The following GPNMB variants were observed in gnomAD, a reference collection of about 807,000 sequenced individuals.
GPNMB encodes transmembrane glycoprotein NMB.
A neutral mutation model predicts 57.3 loss-of-function variants in GPNMB; 71 were observed. The observed-to-expected ratio is 1.24, with a 90% confidence interval of 1.02 to 1.51. The LOEUF is 1.51. Ranked by LOEUF, GPNMB falls within the 40% of genes most tolerant of loss-of-function variation. GPNMB has a pLI of 0.00. For missense variants in GPNMB, 677 were observed against 691.9 expected, an observed-to-expected ratio of 0.98 and a Z score of 0.24; for synonymous variants, 253 against 263.2, an observed-to-expected ratio of 0.96 and a Z score of 0.38.
chr7:23,252,077 C>T (rs1270037611), intron 1 of GPNMB, among the ~76,000 whole-genome samples: 1 of 151,980 alleles, frequency 6.6e-6, no homozygotes, highest in Non-Finnish European at 1.5e-5. Flanking sequence ...CCTAGAGCAA[C>T]CACTCAGAAC....
At chr7:23,259,609 T>TTTAACTC (rs1347098660) in intron 4 of GPNMB, among the ~76,000 whole-genome samples, 1 of 152,226 alleles carries the variant, frequency 6.6e-6, no homozygotes, top group East Asian at 1.9e-4. Flanking sequence ...AAATAATTTT[T>TTTAACTC]TTAACTCTTC....
rs1454921815 is a variant in GPNMB, at chr7:23,260,616, T to C, written c.861T>C (p.Asp287=). Residue 287 remains aspartate (D), a synonymous_variant, in exon 6 of 11, where the codon GAT becomes GAC. Transcript: ENST00000258733. ...STINYKWSFG[D]NTGLFVSTNH... ...TTAACTACAAGTGGAGCTTCGGGGA[T>C]AATACTGGCCTGTTTGTTTCCACCA... is the stretch of plus-strand genomic sequence containing the variant. 1.2e-6 allele frequency: 2 copies of C among 1,614,154 alleles called. No individual in the cohort carries two copies. The highest frequency in any genetic ancestry group is 1.7e-6 in the Non-Finnish European group (2 of 1,180,002).
chr7:23,255,591 T>C (rs887017264), intron 3 of GPNMB, among the ~76,000 whole-genome samples: 4 of 152,216 alleles, frequency 2.6e-5, no homozygotes, highest in African/African-American at 9.6e-5. Context: ...CTGGCTCATA[T>C]GGTAGCTCTA....
chr7:23,269,510 G>A (rs968134426), intron 8 of GPNMB, among the ~76,000 whole-genome samples: 2 of 152,204 alleles, frequency 1.3e-5, no homozygotes, highest in Admixed American at 6.5e-5. Flanking sequence ...TTCAGTGCCC[G>A]GCACATAATA....
At chr7:23,259,936 T>C in intron 4 of GPNMB, 44 bp from the exon 5 acceptor site, 2 of 1,582,990 alleles carry the variant, frequency 1.3e-6, no homozygotes, top group Non-Finnish European at 1.7e-6. Flanking sequence ...CCTATAATGA[T>C]GATATAATGC....
chr7:23,260,035 C>T lies in GPNMB; in HGVS notation c.597C>T (p.Ala199=), dbSNP rs1181858839. ...RCSVRVSVNT[A]NVTLGPQLME... ...CAGTGAGAGTTTCTGTGAACACAGC[C>T]AATGTGACACTTGGGCCTCAACTCA... Residue 199 remains alanine (A), a synonymous_variant, in exon 5 of 11, where the codon GCC becomes GCT. Coordinates refer to ENST00000258733, the MANE Select transcript of GPNMB (RefSeq NM_002510.3). The T allele has an allele frequency of 2.5e-6, 4 of 1,613,868 alleles. No homozygotes were observed. The African/African-American group carries it at 5.3e-5, about 22-fold the overall frequency.
rs1410495111 is a variant in GPNMB, at chr7:23,252,033, A to G, written c.71-1274A>G. The stretch of plus-strand genomic sequence containing the variant: ...AAATTGCAGACACTAACTCAAGATT[A>G]GAAAGATTTTTAAAAGAACTGTAAT... On this transcript the variant is annotated intron_variant, in intron 1 of 10. Transcript: ENST00000258733. Among the ~76,000 whole-genome samples the G allele has an allele frequency of 2.0e-5, 3 of 152,238 alleles. No individual in the cohort carries two copies. In the East Asian group the frequency reaches 5.8e-4, roughly 29 times the overall value.
At position 23,254,165 on chromosome 7, in the gene GPNMB, C is replaced by G; in HGVS notation, c.224-4C>G. The G allele has an allele frequency of 1.9e-6, 3 of 1,610,902 alleles. No homozygotes were observed. Among genetic ancestry groups the G allele is most frequent in the South Asian group, 2.2e-5 (2 of 90,540 alleles). On this transcript the variant is annotated splice_region_variant and splice_polypyrimidine_tract_variant and intron_variant, in intron 2 of 10. Transcript: ENST00000258733. The stretch of plus-strand genomic sequence containing the variant: ...TCATCGAGCCCCACTTTTTTATACC[C>G]TAGGAGGCCGTGTGCAGGCGGTCCT...
In GPNMB at chr7:23,270,044, A is replaced by T. The variant is rs756974913; in HGVS notation, c.1298A>T (p.Asp433Val). The change falls in exon 9 of 11, where the codon GAT becomes GTT. Residue 433 changes from aspartate (D) to valine (V), a missense_variant. Coordinates refer to ENST00000258733, the MANE Select transcript of GPNMB (RefSeq NM_002510.3). ...CAGAACACAGTCTGCAGCCCTGTGG[A>T]TGTGGATGAGATGTGTCTGCTGACT... ...ITQNTVCSPV[D>V]VDEMCLLTVR... 1.9e-6 allele frequency: 3 copies of T among 1,613,896 alleles called. No individual in the cohort carries two copies. The highest frequency in any genetic ancestry group is 2.5e-6 in the Non-Finnish European group (3 of 1,179,890).
intron 6 of GPNMB, among the ~76,000 whole-genome samples, chr7:23,263,339 T>C (rs773400712): frequency 2.6e-5 from 4 of 152,108 alleles, no homozygotes; most frequent in African/African-American, 4.8e-5. Context: ...GGGCCAGGCA[T>C]GGTGGCTCAC....
At chr7:23,262,404 A>T (rs1049247788) in intron 6 of GPNMB, among the ~76,000 whole-genome samples, 3 of 152,096 alleles carry the variant, frequency 2.0e-5, no homozygotes, top group Non-Finnish European at 4.4e-5. Flanking sequence ...TACTATATAT[A>T]CACATAAGGT....
Position 23,260,573 on chromosome 7 carries a change from T to C in GPNMB, c.818T>C (p.Phe273Ser). 1 of 1,613,960 alleles carries C rather than the reference T, an allele frequency of 6.2e-7. No individual in the cohort carries two copies. Residue 273 changes from phenylalanine (F) to serine (S), a missense_variant, in exon 6 of 11, where the codon TTC becomes TCC. Transcript: ENST00000258733. ...GTCCTGATTCATGATCCTAGCCACTTCCTCAATTATTCTACCATTAACTAC... is the reference window on the plus strand; with the variant it reads ...GTCCTGATTCATGATCCTAGCCACTCCCTCAATTATTCTACCATTAACTAC... Reference protein sequence around the residue: ...FDVLIHDPSHFLNYSTINYKW... With the variant: ...FDVLIHDPSHSLNYSTINYKW...
intron 1 of GPNMB, chr7:23,247,342 C>T (rs1477663342): frequency 1.8e-5 from 4 of 225,214 alleles, no homozygotes; most frequent in Admixed American, 5.2e-5. Context: ...GGCAAATTTA[C>T]GAATCTCCCC....
intron 4 of GPNMB, among the ~76,000 whole-genome samples, chr7:23,258,896 C>T (rs1782844860): frequency 6.6e-6 from 1 of 152,246 alleles, no homozygotes; most frequent in Admixed American, 6.5e-5. Context: ...AACCCGGTCT[C>T]AAAAGCATGC....
chr7:23,253,858 G>T (rs1181640591), intron 2 of GPNMB, among the ~76,000 whole-genome samples: 1 of 152,118 alleles, frequency 6.6e-6, no homozygotes, highest in Non-Finnish European at 1.5e-5. Context: ...TTCAGCCATT[G>T]GTTTCGAGAT....
intron 6 of GPNMB, 92 bp downstream of exon 6, chr7:23,260,865 T>C: frequency 9.7e-7 from 1 of 1,031,676 alleles, no homozygotes; most frequent in Non-Finnish European, 1.4e-6. Flanking sequence ...CTTAAGGGGA[T>C]ATTGTAAGGA....
intron 1 of GPNMB, among the ~76,000 whole-genome samples, chr7:23,251,625 G>A (rs1247777624): frequency 1.3e-5 from 2 of 152,118 alleles, no homozygotes; most frequent in South Asian, 4.1e-4. Flanking sequence ...TGTCCTCATA[G>A]TTAAATATGG....
chr7:23,272,731 C>T (rs1336233229), intron 9 of GPNMB, among the ~76,000 whole-genome samples: 2 of 152,184 alleles, frequency 1.3e-5, no homozygotes, highest in East Asian at 1.9e-4. Flanking sequence ...ACTCCATGCT[C>T]AGCACAGTTC....
intron 4 of GPNMB, 94 bp from the exon 5 acceptor site, chr7:23,259,886 A>G: frequency 2.6e-6 from 3 of 1,164,420 alleles, no homozygotes; most frequent in Non-Finnish European, 2.5e-6. Context: ...TCCTCAGAGC[A>G]ATCTATAAAT....
Sources: allele counts gnomAD v4.1 joint callset (sites outside exome capture counted in the v4.1 genomes callset), GRCh38; gene constraint gnomAD v4.1.1; transcripts MANE v1.5; gene names NCBI Gene and HGNC (gene_info 2026-07-23, HGNC 2026-07-21).